The following BBS7 variants were observed in gnomAD, a reference collection of about 807,000 sequenced individuals.
BBS7 encodes the protein BBSome complex member BBS7.
In BBS7, 50 loss-of-function variants were observed where a neutral mutation model predicts 90.3. That is an observed-to-expected ratio of 0.55 (90% CI 0.44 to 0.70). The LOEUF (loss-of-function observed/expected upper bound fraction) is 0.70. Among genes scored for constraint, BBS7 ranks in the 30% least tolerant of loss-of-function variants. The pLI is 0.00. For synonymous variants in BBS7, 235 were observed against 287.4 expected, an observed-to-expected ratio of 0.82 and a Z score of 1.85; for missense variants, 729 against 838.9, an observed-to-expected ratio of 0.87 and a Z score of 1.62.
rs1301324854 is a variant in BBS7 at position 121,824,694 on chromosome 4, TAA to T, written c.*1164_*1165del. 7.2e-5 allele frequency: 11 copies of T among 152,160 alleles called. No homozygotes were observed. Among genetic ancestry groups the T allele is most frequent in the Admixed American group, 2.0e-4 (3 of 15,284 alleles). The allele number at this position is 152,160 out of a possible 1,614,324, so 9.4% of individuals were successfully genotyped here. On this transcript the variant is annotated 3_prime_UTR_variant, in exon 19 of 19. Transcript: ENST00000264499. The surrounding 1 kb of genome is among the most constrained non-coding windows in gnomAD (Gnocchi z 4.1). ...GATATAATTATGTTCCTTTCAGAAG[TAA>T]AGTTTTTTAAACATAGTAAAAACAA...
At chr4:121,855,770 G>A (rs984586314) in intron 5 of BBS7, among the ~76,000 whole-genome samples, 13 of 145,156 alleles carry the variant, frequency 9.0e-5, no homozygotes, top group African/African-American at 2.8e-4. Context: ...ACATATATAC[G>A]TATAAATGTA....
chr4:121,827,964 T>C (rs1724985683), intron 18 of BBS7, 182 bp downstream of exon 18: 1 of 1,413,416 alleles, frequency 7.1e-7, no homozygotes, highest in Admixed American at 3.0e-5. Context: ...ATATTAAAAG[T>C]AGCTTGACAA....
chr4:121,828,052 T>C (rs1724988886), intron 18 of BBS7, 94 bp downstream of exon 18: 4 of 1,574,590 alleles, frequency 2.5e-6, no homozygotes, highest in Admixed American at 1.9e-5. Context: ...TGATGTAATC[T>C]TTTTATCTTT....
intron 18 of BBS7, chr4:121,827,765 T>A: frequency 1.1e-6 from 1 of 933,902 alleles, no homozygotes; most frequent in Non-Finnish European, 1.3e-6. Context: ...TTAAAAATTT[T>A]AAATGCTGCA....
At chr4:121,845,375 TA>T in intron 11 of BBS7, 128 bp downstream of exon 11, 1 of 514,996 alleles carries the variant, frequency 1.9e-6, no homozygotes, top group Non-Finnish European at 3.1e-6. Flanking sequence ...CTCAAAAAAA[TA>T]AAAATAAAAA....
chr4:121,839,873 TA>T (rs1193105625), intron 12 of BBS7, among the ~76,000 whole-genome samples, 177 bp from the exon 13 acceptor site: 1 of 152,220 alleles, frequency 6.6e-6, no homozygotes, highest in African/African-American at 2.4e-5. Flanking sequence ...TTTTACTAAT[TA>T]AATTTTAACA....
rs1377686134 is a variant in BBS7 at position 121,852,963 on chromosome 4, A to T, written c.842T>A (p.Phe281Tyr). The stretch of plus-strand genomic sequence containing the variant: ...CTTTTTTAATGAACTTACCTGATCA[A>T]ATCGTAGAACAGGTTCATTTGCATT... ...FDNANEPVLR[F>Y]DQMLSESVTS... The change falls in exon 8 of 19, where the codon TTT (phenylalanine) becomes TAT (tyrosine). Residue 281 changes from phenylalanine (F) to tyrosine (Y), a missense_variant. Transcript: ENST00000264499. 2.5e-6 allele frequency: 4 copies of T among 1,613,730 alleles called. No individual in the cohort carries two copies. The highest frequency in any genetic ancestry group is 3.3e-5 in the Admixed American group (2 of 60,002).
Position 121,859,122 on chromosome 4 carries a change from C to T in BBS7, c.398G>A (p.Cys133Tyr), listed in dbSNP as rs769735978. 3 of 1,613,672 alleles carry T rather than the reference C, an allele frequency of 1.9e-6. No homozygotes were observed. Among genetic ancestry groups the T allele is most frequent in the East Asian group, 2.2e-5 (1 of 44,838 alleles). ...GTAATAATGTTGGTCTTTGCAGTCA[C>T]AATAATGGTTATAGATGTAACTTGC... ...LSASYIYNHYCDCKDQHYYLS... is the reference protein window; with the variant it reads ...LSASYIYNHYYDCKDQHYYLS... Residue 133 changes from cysteine to tyrosine, a missense_variant, in exon 5 of 19, where the codon TGT becomes TAT. Cys to Tyr is a radical substitution (Grantham distance 194). Transcript: ENST00000264499.
chr4:121,831,935 A>G (rs1452176254), intron 15 of BBS7, among the ~76,000 whole-genome samples: 2 of 151,986 alleles, frequency 1.3e-5, no homozygotes, highest in African/African-American at 4.8e-5. Flanking sequence ...TAGGGAAAGA[A>G]CCTTAAGAGG....
At chr4:121,851,728 C>T (rs1246701063) in intron 8 of BBS7, among the ~76,000 whole-genome samples, 2 of 152,182 alleles carry the variant, frequency 1.3e-5, no homozygotes, top group Non-Finnish European at 2.9e-5. Context: ...ATCTACCAGT[C>T]CAGACTGTGT....
At chr4:121,839,119 GTAGTAAATGAA>G (rs1725603198) in intron 13 of BBS7, among the ~76,000 whole-genome samples, 1 of 152,092 alleles carries the variant, frequency 6.6e-6, no homozygotes, top group Non-Finnish European at 1.5e-5. Flanking sequence ...ATATTTTAGG[GTAGTAAATGAA>G]TAGCATAAAT....
At chr4:121,839,375 T>C (rs891363215) in intron 13 of BBS7, among the ~76,000 whole-genome samples, 10 of 152,172 alleles carry the variant, frequency 6.6e-5, no homozygotes, top group African/African-American at 1.4e-4. Context: ...GAGACCAACC[T>C]GGGCAACATG....
chr4:121,857,348 G>T (rs1472234089), intron 5 of BBS7, among the ~76,000 whole-genome samples: 1 of 151,872 alleles, frequency 6.6e-6, no homozygotes, highest in East Asian at 1.9e-4. Context: ...TGAATTCCTG[G>T]AGTCAAGTGA....
At chr4:121,860,738 A>G (rs775687230) in intron 4 of BBS7, among the ~76,000 whole-genome samples, 21 of 152,130 alleles carry the variant, frequency 1.4e-4, no homozygotes, top group Non-Finnish European at 2.4e-4. Context: ...CACCAAGCCA[A>G]TGTTTTACAT....
intron 10 of BBS7, among the ~76,000 whole-genome samples, chr4:121,847,045 C>T (rs993448309): frequency 2.6e-5 from 4 of 151,952 alleles, no homozygotes; most frequent in South Asian, 2.1e-4. Flanking sequence ...GAACAGCAAA[C>T]GTTAGAGTTA....
rs754878470 is a variant in BBS7, at chr4:121,852,984, G to A, written c.821C>T (p.Ala274Val). 3 of 1,613,548 alleles carry A rather than the reference G, an allele frequency of 1.9e-6. No individual in the cohort carries two copies. The highest frequency in any genetic ancestry group is 2.5e-6 in the Non-Finnish European group (3 of 1,179,730). ...ATCAAATCGTAGAACAGGTTCATTT[G>A]CATTATCAAAACTATACACTTCCAC... ...GMVEVYSFDN[A>V]NEPVLRFDQM... The change falls in exon 8 of 19, where the codon GCA becomes GTA. Residue 274 changes from alanine (A) to valine (V), a missense_variant. By Grantham distance (64) the Ala-to-Val change is moderately conservative. Transcript: ENST00000264499.
chr4:121,826,116 A>G (rs894259568), intron 18 of BBS7, 123 bp from the exon 19 acceptor site: 1 of 793,624 alleles, frequency 1.3e-6, no homozygotes, highest in Admixed American at 2.9e-5. Context: ...TTTAACATAC[A>G]CAAACCTAAA....
chr4:121,835,094 T>C, intron 14 of BBS7, 50 bp downstream of exon 14: 1 of 1,594,924 alleles, frequency 6.3e-7, no homozygotes, highest in Non-Finnish European at 8.6e-7. Context: ...AACAGGTCTA[T>C]TTGAATTGTG....
chr4:121,858,940 T>G (rs757009881), intron 5 of BBS7, 52 bp downstream of exon 5: 26 of 1,521,318 alleles, frequency 1.7e-5, no homozygotes, highest in Middle Eastern at 3.4e-4. Flanking sequence ...TAATGTTCAT[T>G]GATATTCTTT....
Sources: gnomAD v4.1 joint callset for allele counts (sites outside exome capture counted in the v4.1 genomes callset) on GRCh38, gnomAD v4.1.1 for gene constraint, Gnocchi (gnomAD v3.1) non-coding constraint, MANE v1.5 for transcripts, NCBI Gene and HGNC (gene_info 2026-07-23, HGNC 2026-07-21) for gene names.